TF: variants seen among roughly 807,000 people sequenced by gnomAD.
TF encodes the protein transferrin, also known as serotransferrin.
A neutral mutation model predicts 82.4 loss-of-function variants in TF; 55 were observed. That is an observed-to-expected ratio of 0.67 (90% confidence interval 0.54 to 0.84). The LOEUF (loss-of-function observed/expected upper bound fraction) is 0.84, where lower values mean the gene tolerates loss of function less well. TF is among the 40% of genes least tolerant of loss of function. The pLI, the probability that TF is intolerant of heterozygous loss-of-function variation, is 0.00. For synonymous variants in TF, 332 were observed against 332.6 expected (o/e 1.00, Z 0.02); for missense variants, 737 against 868.4 (o/e 0.85, Z 1.90).
rs1204048720 is a variant in TF at position 133,756,331 on chromosome 3, A to G, written c.685A>G (p.Ile229Val). The change falls in exon 6 of 17, where the codon ATA becomes GTA. Residue 229 changes from isoleucine to valine, a missense_variant. Coordinates refer to ENST00000402696, the MANE Select transcript of TF (RefSeq NM_001063.4). ...GDVAFVKHSTIFENLANKADR... is the reference protein window; with the variant it reads ...GDVAFVKHSTVFENLANKADR... Reference sequence around the variant, plus strand: ...TGTGGCCTTTGTCAAGCACTCGACTATATTTGGTAAGAATGGGACAAGAAT... The same window carrying G: ...TGTGGCCTTTGTCAAGCACTCGACTGTATTTGGTAAGAATGGGACAAGAAT... The G allele has an allele frequency of 4.3e-6, 7 of 1,613,976 alleles. No individual in the cohort carries two copies. Among genetic ancestry groups the G allele is most frequent in the Non-Finnish European group, 5.9e-6 (7 of 1,180,014 alleles).
chr3:133,760,137 C>T (rs1933950910), intron 9 of TF, among the ~76,000 whole-genome samples: 1 of 152,108 alleles, frequency 6.6e-6, no homozygotes, highest in African/African-American at 2.4e-5. Context: ...CTCCTCCCCA[C>T]ATTTCTTGCC....
chr3:133,754,647 G>A lies in TF; in HGVS notation c.478G>A (p.Glu160Lys), dbSNP rs890836618. 1 of 1,614,172 alleles carries A rather than the reference G, an allele frequency of 6.2e-7. No individual in the cohort carries two copies. Among genetic ancestry groups the A allele is most frequent in the South Asian group, 1.1e-5 (1 of 91,086 alleles). The stretch of plus-strand genomic sequence containing the variant: ...AGGCTTACTTTACTGTGACTTACCT[G>A]AGCCACGTAAACCTCTTGAGAAAGG... ...PIGLLYCDLPEPRKPLEKAVA... is the reference protein window; with the variant it reads ...PIGLLYCDLPKPRKPLEKAVA... Residue 160 changes from glutamate to lysine, a missense_variant, in exon 4 of 17, where the codon GAG (glutamate) becomes AAG (lysine). By Grantham distance (56) the Glu-to-Lys change is moderately conservative. Transcript: ENST00000402696.
chr3:133,746,453 G>C lies in TF; in HGVS notation c.13G>C (p.Val5Leu). The change falls in exon 1 of 17, where the codon GTG becomes CTG. Residue 5 changes from valine to leucine, a missense_variant. Transcript: ENST00000402696. MRLA[V>L]GALLVCAVLG... ...CCGCACCCGGAAGATGAGGCTCGCCGTGGGAGCCCTGCTGGTCTGCGCCGT... is the reference window on the plus strand; with the variant it reads ...CCGCACCCGGAAGATGAGGCTCGCCCTGGGAGCCCTGCTGGTCTGCGCCGT... 1 of 1,600,726 alleles carries C rather than the reference G, an allele frequency of 6.2e-7. No homozygotes were observed. Among genetic ancestry groups the C allele is most frequent in the Non-Finnish European group, 8.5e-7 (1 of 1,177,202 alleles).
At chr3:133,732,953 TGTCTTCA>T in the TF span, among the ~76,000 whole-genome samples, 3 of 152,192 alleles carry the variant, frequency 2.0e-5, no homozygotes, top group African/African-American at 7.2e-5. Flanking sequence ...GCTTTAGTGG[TGTCTTCA>T]GTCAGGGAGA....
At chr3:133,778,300 G>C in intron 16 of TF, 1 of 366,222 alleles carries the variant, frequency 2.7e-6, no homozygotes, top group South Asian at 2.3e-5. Flanking sequence ...GCGACTCCTG[G>C]CCTCAGGAAC....
At position 133,791,386 on chromosome 3, in the gene TF, T is replaced by C. The variant is rs1196113665; in HGVS notation, c.*12766T>C. Reference sequence around the variant, plus strand: ...TTTGTTTGCATATAGTCAAGCAGGGTTCCTAGGGCTGCTTTGGGAGACAGA... The same window carrying C: ...TTTGTTTGCATATAGTCAAGCAGGGCTCCTAGGGCTGCTTTGGGAGACAGA... On this transcript the variant is annotated 3_prime_UTR_variant, in exon 17 of 17. Transcript: ENST00000402696. 1.3e-5 allele frequency: 2 copies of C among 152,132 alleles called. No homozygotes were observed. Among genetic ancestry groups the C allele is most frequent in the Non-Finnish European group, 1.5e-5 (1 of 68,030 alleles). 9.4% of individuals were successfully genotyped at this position (152,132 alleles called of 1,614,324 possible).
rs1337737161 is a variant in TF at position 133,788,733 on chromosome 3, A to T, written c.*10113A>T. On this transcript the variant is annotated 3_prime_UTR_variant, in exon 17 of 17. Coordinates refer to ENST00000402696, the MANE Select transcript of TF (RefSeq NM_001063.4). ...AGGTTTCTGGGTGGGGCCATCCTGA[A>T]GGACTTTTTTCTATCTTTTCTGGTT... 5.3e-5 allele frequency: 8 copies of T among 152,192 alleles called. No individual in the cohort carries two copies. The highest frequency in any genetic ancestry group is 7.3e-5 in the Non-Finnish European group (5 of 68,058). 9.4% of individuals were successfully genotyped at this position (152,192 alleles called of 1,614,324 possible).
chr3:133,713,208 C>T, the TF span, among the ~76,000 whole-genome samples: 1 of 152,214 alleles, frequency 6.6e-6, no homozygotes, highest in Non-Finnish European at 1.5e-5. Context: ...AATAGATATT[C>T]CTGGGCTCCT....
chr3:133,696,049 A>T, the TF span, among the ~76,000 whole-genome samples: 1 of 152,230 alleles, frequency 6.6e-6, no homozygotes, highest in African/African-American at 2.4e-5. Flanking sequence ...CTTCACAAGA[A>T]GGGTGAGTAT....
At chr3:133,747,285 G>T (rs1933529248) in intron 1 of TF, 1 of 152,432 alleles carries the variant, frequency 6.6e-6, no homozygotes, top group Admixed American at 6.5e-5. Context: ...GCTGTGCAAG[G>T]TAATGCTCCA....
At chr3:133,749,987 T>A (rs1336647484) in intron 2 of TF, among the ~76,000 whole-genome samples, 1 of 152,194 alleles carries the variant, frequency 6.6e-6, no homozygotes, top group African/African-American at 2.4e-5. Flanking sequence ...GTTCTCTCGA[T>A]TAGGACTCTA....
chr3:133,770,459 G>C, intron 13 of TF, 49 bp from the exon 14 acceptor site: 2 of 1,587,672 alleles, frequency 1.3e-6, no homozygotes, highest in Non-Finnish European at 1.7e-6. Context: ...TGACAGATAA[G>C]TCACTCTGAC....
chr3:133,768,201 A>G, intron 13 of TF, 37 bp downstream of exon 13: 1 of 1,613,218 alleles, frequency 6.2e-7, no homozygotes, highest in Non-Finnish European at 8.5e-7. Flanking sequence ...AGAATAATAT[A>G]CAAGCCCTGG....
Position 133,754,516 on chromosome 3 carries a change from C to G in TF, c.347C>G (p.Ala116Gly). 1.2e-6 allele frequency: 2 copies of G among 1,614,188 alleles called. No homozygotes were observed. The highest frequency in any genetic ancestry group is 1.7e-6 in the Non-Finnish European group (2 of 1,180,030). Reference sequence around the variant, plus strand: ...GCAGATCCACAGACTTTCTATTATGCTGTTGCTGTGGTGAAGAAGGATAGT... The same window carrying G: ...GCAGATCCACAGACTTTCTATTATGGTGTTGCTGTGGTGAAGAAGGATAGT... The part of the protein sequence containing the change: ...SKEDPQTFYY[A>G]VAVVKKDSGF... The change falls in exon 4 of 17, where the codon GCT becomes GGT. Residue 116 changes from alanine to glycine, a missense_variant. Transcript: ENST00000402696.
rs1934544607 is a variant in TF at position 133,782,775 on chromosome 3, A to T, written c.*4155A>T. On this transcript the variant is annotated 3_prime_UTR_variant, in exon 17 of 17. Coordinates refer to ENST00000402696, the MANE Select transcript of TF (RefSeq NM_001063.4). ...GTTTGAGACCAGCCTAGGCAACATG[A>T]CAAAACCCCATCTCTGCAAAAAAAA... 1 of 135,542 alleles carries T rather than the reference A, an allele frequency of 7.4e-6. No individual in the cohort carries two copies. The highest frequency in any genetic ancestry group is 1.6e-5 in the Non-Finnish European group (1 of 64,356). The allele number at this position is 135,542 out of a possible 1,614,324, so 8.4% of individuals were successfully genotyped here. A position where few individuals can be genotyped will look rare whatever the true frequency, so the allele number is the denominator to read the frequency against.
chr3:133,776,925 AG>A (rs8177336), intron 15 of TF, 123 bp from the exon 16 acceptor site: 22,068 of 871,786 alleles, frequency 0.025, 334 homozygotes, highest in Non-Finnish European at 0.033. Context: ...AAAATTCCCA[AG>A]ACATACTCCG....
the TF span, among the ~76,000 whole-genome samples, chr3:133,733,760 G>T: frequency 1.3e-5 from 2 of 152,122 alleles, no homozygotes; most frequent in African/African-American, 4.8e-5. Context: ...AATCCTATCT[G>T]CCCTTCACAG....
At chr3:133,740,249 C>A in the TF span, among the ~76,000 whole-genome samples, 1 of 152,042 alleles carries the variant, frequency 6.6e-6, no homozygotes, top group Non-Finnish European at 1.5e-5. Context: ...AACCAAATAC[C>A]ACATGTTCTC....
chr3:133,690,391 A>G, the TF span, among the ~76,000 whole-genome samples: 5,490 of 152,274 alleles, frequency 0.036, 363 homozygotes, highest in African/African-American at 0.12. Flanking sequence ...AAATAAAACC[A>G]TTCTAAAAAT....
Sources: gnomAD v4.1 joint callset for allele counts (sites outside exome capture counted in the v4.1 genomes callset) on GRCh38, gnomAD v4.1.1 for gene constraint, MANE v1.5 for transcripts, NCBI Gene and HGNC (gene_info 2026-07-23, HGNC 2026-07-21) for gene names.